HEATR1: variants seen among roughly 807,000 people sequenced by gnomAD.
HEATR1 encodes the protein HEAT repeat-containing protein 1.
A neutral mutation model predicts 248.2 loss-of-function variants in HEATR1; 77 were observed. That is an observed-to-expected ratio of 0.31 (90% CI 0.26 to 0.37). The LOEUF is 0.37. HEATR1 is among the 10% of genes least tolerant of loss of function. HEATR1 has a pLI of 1.00. For missense variants in HEATR1, 2,420 were observed against 2,504.9 expected (o/e 0.97, Z 0.72); for synonymous variants, 897 against 923.1 (o/e 0.97, Z 0.51).
At chr1:236,590,426 G>A (rs552967392) in intron 12 of HEATR1, among the ~76,000 whole-genome samples, 5 of 152,058 alleles carry the variant, frequency 3.3e-5, no homozygotes, top group African/African-American at 1.2e-4. Context: ...TATAGAGAAG[G>A]GGGTCTCCCT....
In HEATR1 at chr1:236,557,328, A is replaced by T. The variant is rs79408620; in HGVS notation, c.5222T>A (p.Leu1741Gln). 547 of 1,614,156 alleles carry T rather than the reference A, an allele frequency of 3.4e-4. 3 individuals carry two copies. The East Asian group carries it at 0.012, about 34-fold the overall frequency. Residue 1741 changes from leucine (L) to glutamine (Q), a missense_variant, in exon 37 of 45, where the codon CTG becomes CAG. Coordinates refer to ENST00000366582, the MANE Select transcript of HEATR1 (RefSeq NM_018072.6). ...CTCGCTGGTGTTCTTCATTGTTGTCAGCAACGATGGCATCAGGCTAGAAAC... is the reference window on the plus strand; with the variant it reads ...CTCGCTGGTGTTCTTCATTGTTGTCTGCAACGATGGCATCAGGCTAGAAAC... ...PQLPSLMPSL[L>Q]TTMKNTSELV...
At chr1:236,557,078 A>C in intron 37 of HEATR1, 117 bp downstream of exon 37, 1 of 1,034,692 alleles carries the variant, frequency 9.7e-7, no homozygotes, top group South Asian at 1.8e-5. Flanking sequence ...TTCAGAAATA[A>C]GACTCCTTTC....
Position 236,572,445 on chromosome 1 carries a change from T to C in HEATR1, c.3673A>G (p.Ile1225Val). 6.2e-7 allele frequency: 1 copy of C among 1,614,100 alleles called. No individual in the cohort carries two copies. Among genetic ancestry groups the C allele is most frequent in the Non-Finnish European group, 8.5e-7 (1 of 1,179,964 alleles). The change falls in exon 26 of 45, where the codon ATA (isoleucine) becomes GTA (valine). Residue 1225 changes from isoleucine (I) to valine (V), a missense_variant. Physicochemically the swap from Ile to Val is conservative, Grantham distance 29. Coordinates refer to ENST00000366582, the MANE Select transcript of HEATR1 (RefSeq NM_018072.6). ...AAGTTAAAAAGAGTTGGCACCAATATCTGAGGACTTCTGAGCTTCTTTTTG... is the reference window on the plus strand; with the variant it reads ...AAGTTAAAAAGAGTTGGCACCAATACCTGAGGACTTCTGAGCTTCTTTTTG... The part of the protein sequence containing the change: ...QHKKKLRSPQ[I>V]LVPTLFNLLS...
At chr1:236,581,465 G>C (rs1663737953) in intron 19 of HEATR1, 51 bp from the exon 20 acceptor site, 2 of 1,317,786 alleles carry the variant, frequency 1.5e-6, no homozygotes, top group African/African-American at 1.5e-5. Flanking sequence ...CAAATAAGCT[G>C]GTTCCAAATC....
At position 236,564,594 on chromosome 1, in the gene HEATR1, A is replaced by C. The variant is rs772883589; in HGVS notation, c.4503T>G (p.Asn1501Lys). ...GTTGCTTGCTAGTGTGAGTCTCTAC[A>C]TTAAAAACCTGTAGCATTTCTTCTT... ...ESQEEMLQVFNVETHTSKQLR... is the reference protein window; with the variant it reads ...ESQEEMLQVFKVETHTSKQLR... The change falls in exon 32 of 45, where the codon AAT (asparagine) becomes AAG (lysine). Residue 1501 changes from asparagine (N) to lysine (K), a missense_variant. By Grantham distance (94) the Asn-to-Lys change is moderately conservative. Coordinates refer to ENST00000366582, the MANE Select transcript of HEATR1 (RefSeq NM_018072.6). The C allele has an allele frequency of 6.2e-7, 1 of 1,613,950 alleles. No homozygotes were observed. The highest frequency in any genetic ancestry group is 2.2e-5 in the East Asian group (1 of 44,876).
chr1:236,581,455 CAAAT>C (rs1044585240), intron 19 of HEATR1, 41 bp from the exon 20 acceptor site: 3 of 1,374,154 alleles, frequency 2.2e-6, no homozygotes, highest in African/African-American at 1.5e-5. Flanking sequence ...AATTCTTACT[CAAAT>C]AAGCTGGTTC....
chr1:236,600,892 T>C (rs966243864), intron 3 of HEATR1, among the ~76,000 whole-genome samples: 1 of 152,196 alleles, frequency 6.6e-6, no homozygotes, highest in Non-Finnish European at 1.5e-5. Flanking sequence ...TCTTCAACTA[T>C]TCCAGGCAGA....
intron 14 of HEATR1, 67 bp from the exon 15 acceptor site, chr1:236,586,519 T>C (rs1015508816): frequency 1.1e-6 from 1 of 939,108 alleles, no homozygotes; most frequent in South Asian, 1.4e-5. Context: ...CAAAAATTCA[T>C]CATTACATTA....
At chr1:236,579,284 T>C (rs1209520335) in intron 20 of HEATR1, among the ~76,000 whole-genome samples, 1 of 152,194 alleles carries the variant, frequency 6.6e-6, no homozygotes, top group Non-Finnish European at 1.5e-5. Context: ...TGTATCTTTT[T>C]CACAAAGCCC....
chr1:236,564,693 C>A (rs1663223421), intron 31 of HEATR1, 32 bp from the exon 32 acceptor site: 2 of 1,587,324 alleles, frequency 1.3e-6, no homozygotes, highest in African/African-American at 1.3e-5. Context: ...TGACCTTACT[C>A]ATTTTCACCT....
rs757179796 is a variant in HEATR1 at position 236,557,232 on chromosome 1, T to G, written c.5318A>C (p.His1773Pro). ...ALQKVVETLP[H>P]FISPYLEGIL... ...GCCTTCCAGATAGGGGCTGATGAAG[T>G]GCGGGAGAGTCTCCACAACCTTCTG... Residue 1773 changes from histidine to proline, a missense_variant, in exon 37 of 45, where the codon CAC becomes CCC. Coordinates refer to ENST00000366582, the MANE Select transcript of HEATR1 (RefSeq NM_018072.6). The G allele has an allele frequency of 6.2e-7, 1 of 1,614,104 alleles. No homozygotes were observed. The highest frequency in any genetic ancestry group is 8.5e-7 in the Non-Finnish European group (1 of 1,179,994).
intron 3 of HEATR1, 47 bp downstream of exon 3, chr1:236,603,113 G>C: frequency 6.9e-7 from 1 of 1,448,214 alleles, no homozygotes; most frequent in Non-Finnish European, 9.7e-7. Context: ...TTTTTTACAA[G>C]ACCAAAGTGA....
intron 5 of HEATR1, 130 bp downstream of exon 5, chr1:236,597,748 C>A: frequency 1.1e-5 from 6 of 549,156 alleles, no homozygotes; most frequent in Admixed American, 3.6e-5. Flanking sequence ...TGCTTCAAAA[C>A]ACCAGACCAT....
At chr1:236,591,643 G>A (rs16834015) in intron 11 of HEATR1, among the ~76,000 whole-genome samples, 2,212 of 152,220 alleles carry the variant, frequency 0.015, 14 homozygotes, top group Middle Eastern at 0.068. Context: ...AGCCATCTGT[G>A]GCTGGTACAC....
At position 236,574,717 on chromosome 1, in the gene HEATR1, T is replaced by A. The variant is rs748410988; in HGVS notation, c.3271A>T (p.Thr1091Ser). Residue 1091 changes from threonine (T) to serine (S), a missense_variant, in exon 23 of 45, where the codon ACA (threonine) becomes TCA (serine). Transcript: ENST00000366582. Reference sequence around the variant, plus strand: ...ATTCCCGCGTAAAGTTCCTTTGTTGTGTGCACAGCTTTTATAAATATATCT... The same window carrying A: ...ATTCCCGCGTAAAGTTCCTTTGTTGAGTGCACAGCTTTTATAAATATATCT... ...SLDIFIKAVHTTKELYAGMPT... is the reference protein window; with the variant it reads ...SLDIFIKAVHSTKELYAGMPT... 1 of 1,613,972 alleles carries A rather than the reference T, an allele frequency of 6.2e-7. No homozygotes were observed. Among genetic ancestry groups the A allele is most frequent in the East Asian group, 2.2e-5 (1 of 44,870 alleles).
intron 2 of HEATR1, 138 bp from the exon 3 acceptor site, chr1:236,603,514 A>ACTGATTT: frequency 1.5e-6 from 1 of 663,458 alleles, no homozygotes; most frequent in South Asian, 2.0e-5. Flanking sequence ...AGTCCCAAAC[A>ACTGATTT]CTGATTTCTA....
chr1:236,592,442 T>C (rs1032056894), intron 10 of HEATR1, 81 bp downstream of exon 10: 20 of 694,686 alleles, frequency 2.9e-5, no homozygotes, highest in Non-Finnish European at 5.2e-5. Context: ...CAATTCAGTA[T>C]ATTAAGATGT....
chr1:236,565,510 C>G (rs920020024), intron 31 of HEATR1, among the ~76,000 whole-genome samples: 4 of 152,118 alleles, frequency 2.6e-5, no homozygotes, highest in Admixed American at 6.5e-5. Context: ...GGATTTTCTT[C>G]AAGGCTCTGC....
chr1:236,553,776 C>A, intron 42 of HEATR1, 37 bp from the exon 43 acceptor site: 1 of 1,569,624 alleles, frequency 6.4e-7, no homozygotes, highest in Non-Finnish European at 8.6e-7. Context: ...AACAACAAGT[C>A]TCATTTCTTT....
Sources: gnomAD v4.1 joint callset for allele counts (sites outside exome capture counted in the v4.1 genomes callset) on GRCh38, gnomAD v4.1.1 for gene constraint, MANE v1.5 for transcripts, NCBI Gene and HGNC (gene_info 2026-07-23, HGNC 2026-07-21) for gene names.